AGBL1: variants seen among roughly 807,000 people sequenced by gnomAD.
The protein encoded by AGBL1 is cytosolic carboxypeptidase 4.
Under a neutral mutation model 118.9 loss-of-function variants are expected in AGBL1, and 130 were observed. The ratio of observed to expected loss-of-function variants is 1.09; its 90% CI spans 0.95 to 1.26. The LOEUF (loss-of-function observed/expected upper bound fraction) is 1.26. AGBL1 is among the 50% of genes most tolerant of loss of function. The pLI, the probability that AGBL1 is intolerant of heterozygous loss-of-function variation, is 0.00. For missense variants in AGBL1, 1,584 were observed against 1,298.1 expected (o/e 1.22, Z -3.38); for synonymous variants, 555 against 478.9 (o/e 1.16, Z -2.08).
intron 22 of AGBL1, among the ~76,000 whole-genome samples, chr15:86,854,815 C>T (rs554261869): frequency 2.6e-5 from 4 of 152,240 alleles, no homozygotes; most frequent in South Asian, 4.1e-4. Flanking sequence ...TCAGACTTTC[C>T]GCCTAGCAGC....
intron 17 of AGBL1, among the ~76,000 whole-genome samples, chr15:86,355,346 G>A (rs969474306): frequency 6.6e-6 from 1 of 152,130 alleles, no homozygotes; most frequent in Non-Finnish European, 1.5e-5. Flanking sequence ...TGGTTCATCG[G>A]TCAGGTATAC....
At chr15:86,593,098 A>T (rs983466385) in intron 21 of AGBL1, among the ~76,000 whole-genome samples, 1 of 152,148 alleles carries the variant, frequency 6.6e-6, no homozygotes, top group Admixed American at 6.5e-5. Flanking sequence ...ATAGTCTACC[A>T]GTGTCATTAT....
chr15:86,533,805 C>T (rs1463540744), intron 19 of AGBL1, among the ~76,000 whole-genome samples: 4 of 108,222 alleles, frequency 3.7e-5, no homozygotes, highest in African/African-American at 5.2e-5. Context: ...AGTTCATGTC[C>T]TTTGTAGGGA....
intron 22 of AGBL1, among the ~76,000 whole-genome samples, chr15:86,749,985 T>G (rs1326292646): frequency 1.3e-5 from 2 of 152,130 alleles, no homozygotes; most frequent in African/African-American, 4.8e-5. Flanking sequence ...TTTTGTTGTG[T>G]CTCTGCCAGG....
intron 24 of AGBL1, among the ~76,000 whole-genome samples, chr15:86,998,298 A>G (rs1315316205): frequency 6.6e-6 from 1 of 152,192 alleles, no homozygotes. Context: ...CTATCCTTTC[A>G]TGGCTTTAGT....
intron 5 of AGBL1, among the ~76,000 whole-genome samples, chr15:86,166,122 C>A (rs141317408): frequency 6.6e-6 from 1 of 152,192 alleles, no homozygotes; most frequent in Non-Finnish European, 1.5e-5. Context: ...AGAGGCTGAA[C>A]CAAGCCTTCT....
At chr15:86,888,802 G>A (rs1456608737) in intron 22 of AGBL1, among the ~76,000 whole-genome samples, 6 of 152,108 alleles carry the variant, frequency 3.9e-5, no homozygotes, top group African/African-American at 1.4e-4. Flanking sequence ...AGTCAAAACT[G>A]TTAATCAGAA....
intron 21 of AGBL1, among the ~76,000 whole-genome samples, chr15:86,593,131 C>T (rs2084361026): frequency 6.6e-6 from 1 of 152,074 alleles, no homozygotes; most frequent in Non-Finnish European, 1.5e-5. Context: ...TCAAGTTGCC[C>T]CAGTGTGGTC....
At chr15:86,447,185 T>G (rs1453204339) in intron 18 of AGBL1, among the ~76,000 whole-genome samples, 2 of 152,204 alleles carry the variant, frequency 1.3e-5, no homozygotes, top group Non-Finnish European at 2.9e-5. Flanking sequence ...GTATTTAATT[T>G]CCGCCTCTTC....
intron 15 of AGBL1, among the ~76,000 whole-genome samples, chr15:86,273,804 A>T (rs1199011060): frequency 1.3e-5 from 2 of 152,142 alleles, no homozygotes; most frequent in African/African-American, 4.8e-5. Flanking sequence ...CACTGTGGGG[A>T]CAACTGTGAG....
chr15:86,364,998 C>CATAT (rs71468173), intron 17 of AGBL1, among the ~76,000 whole-genome samples: 61,295 of 120,968 alleles, frequency 0.51, 17,773 homozygotes, highest in Non-Finnish European at 0.59. Context: ...TACACACACA[C>CATAT]ATATATATAT....
At chr15:86,646,081 A>G (rs2085274452) in intron 21 of AGBL1, among the ~76,000 whole-genome samples, 1 of 152,158 alleles carries the variant, frequency 6.6e-6, no homozygotes. Flanking sequence ...CTTGGCGTGT[A>G]GCAGAATATC....
chr15:86,334,182 C>A (rs893425543), intron 17 of AGBL1, among the ~76,000 whole-genome samples: 34 of 152,126 alleles, frequency 2.2e-4, no homozygotes, highest in African/African-American at 6.8e-4. Context: ...CCAGCCAGAG[C>A]ATTCAGGCAA....
At chr15:86,320,368 G>A (rs1224322178) in intron 17 of AGBL1, among the ~76,000 whole-genome samples, 1 of 151,534 alleles carries the variant, frequency 6.6e-6, no homozygotes, top group Non-Finnish European at 1.5e-5. Flanking sequence ...TATACTTGTG[G>A]CTATTACAAA....
At chr15:86,916,247 C>T (rs921019055), downstream of AGBL1, 6 of 152,340 alleles carry the variant, frequency 3.9e-5, no homozygotes, top group South Asian at 2.1e-4. Flanking sequence ...GGAACTGAAG[C>T]GTGTCCCTTG....
At chr15:86,918,189 G>C (rs1170811620), downstream of AGBL1, among the ~76,000 whole-genome samples, 3 of 152,128 alleles carry the variant, frequency 2.0e-5, no homozygotes, top group Non-Finnish European at 4.4e-5. Context: ...CCAGACCTTG[G>C]GCTGAATGTT....
intron 18 of AGBL1, among the ~76,000 whole-genome samples, chr15:86,469,385 G>T (rs957414060): frequency 1.3e-5 from 2 of 152,108 alleles, no homozygotes; most frequent in Non-Finnish European, 2.9e-5. Flanking sequence ...ATATCCTCTA[G>T]GTTCATCCTG....
At chr15:86,729,487 A>C (rs189544805) in intron 22 of AGBL1, among the ~76,000 whole-genome samples, 142 of 151,950 alleles carry the variant, frequency 9.3e-4, no homozygotes, top group African/African-American at 3.2e-3. Flanking sequence ...GCCCATGTTT[A>C]CTCAGTGTTT....
intron 22 of AGBL1, among the ~76,000 whole-genome samples, chr15:86,824,659 A>G (rs2078983375): frequency 6.6e-6 from 1 of 152,154 alleles, no homozygotes; most frequent in African/African-American, 2.4e-5. Context: ...TAGTGAGATG[A>G]ATCACTCTAC....
Sources: allele counts gnomAD v4.1 joint callset (sites outside exome capture counted in the v4.1 genomes callset), GRCh38; gene constraint gnomAD v4.1.1; transcripts MANE v1.5; gene names NCBI Gene and HGNC (gene_info 2026-07-23, HGNC 2026-07-21).